POLG2: variants seen among roughly 807,000 people sequenced by gnomAD.
POLG2 encodes the protein DNA polymerase subunit gamma-2.
POLG2 carries 50 observed loss-of-function variants against 56.5 expected under a neutral mutation model. That is an observed-to-expected ratio of 0.88 (90% CI 0.71 to 1.12). The LOEUF (loss-of-function observed/expected upper bound fraction) is 1.12. POLG2 is among the 50% of genes most tolerant of loss of function. The probability of loss-of-function intolerance (pLI) is 0.00; values close to 1 mark genes in which losing one functional copy is unlikely to be tolerated. For synonymous variants in POLG2, 226 were observed against 222.6 expected, an observed-to-expected ratio of 1.02 and a Z score of -0.14; for missense variants, 584 against 583.3, an observed-to-expected ratio of 1.00 and a Z score of -0.01.
chr17:64,481,885 A>G lies in POLG2; in HGVS notation c.1191+1034T>C, dbSNP rs541789047. ...GCAAGACTCCGTCTCAAAATAAATAAATAAATAAATAAAAAGTTCAAAGGG... is the reference window on the plus strand; with the variant it reads ...GCAAGACTCCGTCTCAAAATAAATAGATAAATAAATAAAAAGTTCAAAGGG... On this transcript the variant is annotated intron_variant, in intron 6 of 7. Coordinates refer to ENST00000539111, the MANE Select transcript of POLG2 (RefSeq NM_007215.4). 7.9e-5 allele frequency among the ~76,000 whole-genome samples: 12 copies of G among 151,724 alleles called. No individual in the cohort carries two copies. In the East Asian group the frequency reaches 2.3e-3, roughly 30 times the overall value.
chr17:64,482,795 GA>G (rs1374458861), intron 6 of POLG2, 123 bp downstream of exon 6: 2 of 666,094 alleles, frequency 3.0e-6, no homozygotes, highest in African/African-American at 3.6e-5. Flanking sequence ...TAAGATTTTG[GA>G]TTTTTGGATT....
intron 7 of POLG2, among the ~76,000 whole-genome samples, chr17:64,478,881 C>T (rs577579407): frequency 1.3e-4 from 20 of 152,030 alleles, no homozygotes; most frequent in African/African-American, 4.1e-4. Context: ...GGCGACAGTG[C>T]GAGACTCTGT....
intron 3 of POLG2, chr17:64,491,831 C>T (rs2038064130): frequency 4.8e-6 from 2 of 418,574 alleles, no homozygotes; most frequent in Non-Finnish European, 4.4e-6. Flanking sequence ...TTCTTGGCTG[C>T]AACCCCTCCA....
chr17:64,491,535 G>A (rs2038058005), intron 3 of POLG2: 1 of 1,544,112 alleles, frequency 6.5e-7, no homozygotes, highest in South Asian at 1.1e-5. Context: ...GGAGTCAGTT[G>A]TACCAGTGAA....
At chr17:64,490,768 A>T (rs2038044270) in intron 4 of POLG2, 28 bp downstream of exon 4, 1 of 1,581,422 alleles carries the variant, frequency 6.3e-7, no homozygotes. Context: ...TGGGTAAAAA[A>T]TACATAGGAG....
In POLG2 at chr17:64,490,829, T is replaced by TA; in HGVS notation, c.935dup (p.Leu312PhefsTer10). ...TAGACACATTGCCAGGATACATGTG[T>TA]AAAAGTTCGTGATCTCCTAGGTTCC... On this transcript the variant is annotated frameshift_variant, in exon 4 of 8. Transcript: ENST00000539111. LOFTEE classifies it high-confidence loss of function. 6.2e-7 allele frequency: 1 copy of TA among 1,613,648 alleles called. No individual in the cohort carries two copies.
intron 3 of POLG2, among the ~76,000 whole-genome samples, chr17:64,492,168 G>C (rs2038073015): frequency 6.6e-6 from 1 of 152,192 alleles, no homozygotes; most frequent in Non-Finnish European, 1.5e-5. Flanking sequence ...CGAAGTTCTT[G>C]ATGACTCGTG....
chr17:64,496,694 A>C lies in POLG2; in HGVS notation c.275T>G (p.Leu92Arg). The change falls in exon 1 of 8, where the codon CTG becomes CGG. Residue 92 changes from leucine (L) to arginine (R), a missense_variant. Transcript: ENST00000539111. ...TCCGAAGCCGGGGTGGCACCCACTC[A>C]GAAGAGAATCCCGGCTAAGCTGCTG... ...SKQQLSRDSL[L>R]SGCHPGFGPL... is the part of the protein sequence containing the mutation. 1 of 1,614,042 alleles carries C rather than the reference A, an allele frequency of 6.2e-7. No individual in the cohort carries two copies.
rs2037792999 is a variant in POLG2 at position 64,477,935 on chromosome 17, T to C, written c.1346A>G (p.Glu449Gly). The change falls in exon 8 of 8, where the codon GAG (glutamate) becomes GGG (glycine). Residue 449 changes from glutamate to glycine, a missense_variant. Coordinates refer to ENST00000539111, the MANE Select transcript of POLG2 (RefSeq NM_007215.4). ...GCTTCTCAGATGTATTAATCCATTC[T>C]CCAAAGTAGTTTCAGTAACCAAAAC... is the stretch of plus-strand genomic sequence containing the variant. The part of the protein sequence containing the change: ...FTVLVTETTL[E>G]NGLIHLRSRD... 3.1e-6 allele frequency: 5 copies of C among 1,613,924 alleles called. No individual in the cohort carries two copies. Among genetic ancestry groups the C allele is most frequent in the Non-Finnish European group, 4.2e-6 (5 of 1,179,976 alleles).
At position 64,490,837 on chromosome 17, in the gene POLG2, C is replaced by G. The variant is rs782433092; in HGVS notation, c.928G>C (p.Glu310Gln). Residue 310 changes from glutamate to glutamine, a missense_variant, in exon 4 of 8, where the codon GAA becomes CAA. By Grantham distance (29) the Glu-to-Gln change is conservative (BLOSUM62 2). Coordinates refer to ENST00000539111, the MANE Select transcript of POLG2 (RefSeq NM_007215.4). ...IETLWNLGDH[E>Q]LLHMYPGNVS... The stretch of plus-strand genomic sequence containing the variant: ...TTGCCAGGATACATGTGTAAAAGTT[C>G]GTGATCTCCTAGGTTCCACAGGGTT... 2 of 1,613,450 alleles carry G rather than the reference C, an allele frequency of 1.2e-6. No homozygotes were observed. The highest frequency in any genetic ancestry group is 1.7e-6 in the Non-Finnish European group (2 of 1,179,530).
rs781943934 is a variant in POLG2, at chr17:64,477,810, C to G, written c.*13G>C. The G allele has an allele frequency of 1.4e-5, 22 of 1,552,732 alleles. No homozygotes were observed. The highest frequency in any genetic ancestry group is 1.4e-5 in the African/African-American group (1 of 71,394). On this transcript the variant is annotated 3_prime_UTR_variant, in exon 8 of 8. Transcript: ENST00000539111. ...TTAGGAGAGAAGAATATTTATTATA[C>G]AAATATAAAAATCTATACATTCTTA... is the stretch of plus-strand genomic sequence containing the variant.
At chr17:64,485,646 A>T in intron 5 of POLG2, 82 bp downstream of exon 5, 1 of 1,120,992 alleles carries the variant, frequency 8.9e-7, no homozygotes, top group Non-Finnish European at 1.4e-6. Context: ...AGTTTATGTT[A>T]GAAACCGAGC....
At position 64,492,659 on chromosome 17, in the gene POLG2, T is replaced by A; in HGVS notation, c.795+8A>T. The A allele has an allele frequency of 1.3e-6, 2 of 1,519,588 alleles. No homozygotes were observed. The highest frequency in any genetic ancestry group is 1.1e-5 in the South Asian group (1 of 89,020). 94.1% of individuals were successfully genotyped at this position (1,519,588 alleles called of 1,614,324 possible). On this transcript the variant is annotated splice_region_variant and intron_variant, in intron 3 of 7. Transcript: ENST00000539111. ...TAACTATTAAATTAAAGGTAATTAT[T>A]GCAGTACCTTTCTCCACCACTGGAG...
chr17:64,483,682 A>G (rs2037902633), intron 5 of POLG2, among the ~76,000 whole-genome samples: 1 of 147,984 alleles, frequency 6.8e-6, no homozygotes, highest in African/African-American at 2.5e-5. Flanking sequence ...CTTTTTATAT[A>G]TATTTTTTTG....
chr17:64,483,773 C>T (rs1199958668), intron 5 of POLG2, among the ~76,000 whole-genome samples: 1 of 151,088 alleles, frequency 6.6e-6, no homozygotes, highest in Non-Finnish European at 1.5e-5. Context: ...TAGAATGCTC[C>T]ACTCACTGCC....
rs375544269 is a variant in POLG2, at chr17:64,485,849, T to A, written c.989A>T (p.Asn330Ile). 1.2e-6 allele frequency: 2 copies of A among 1,613,914 alleles called. No homozygotes were observed. Among genetic ancestry groups the A allele is most frequent in the Non-Finnish European group, 8.5e-7 (1 of 1,179,770 alleles). ...SKLHGRDGRK[N>I]VVPCVLSVNG... is the part of the protein sequence containing the mutation. ...TACAGAGAGAACACAAGGAACCACATTTTTTCGTCCATCTCGGCCCTTCAC... is the reference window on the plus strand; with the variant it reads ...TACAGAGAGAACACAAGGAACCACAATTTTTCGTCCATCTCGGCCCTTCAC... Residue 330 changes from asparagine (N) to isoleucine (I), a missense_variant, in exon 5 of 8, where the codon AAT becomes ATT. Coordinates refer to ENST00000539111, the MANE Select transcript of POLG2 (RefSeq NM_007215.4).
Position 64,496,944 on chromosome 17 carries a change from C to T in POLG2, c.25G>A (p.Ala9Thr). Residue 9 changes from alanine to threonine, a missense_variant, in exon 1 of 8, where the codon GCC (alanine) becomes ACC (threonine). Ala to Thr is a moderately conservative substitution (Grantham distance 58, BLOSUM62 0). Transcript: ENST00000539111. MRSRVAVRACHKVCRCLLS... is the reference protein window; with the variant it reads MRSRVAVRTCHKVCRCLLS... ...AGGCACCTGCAGACCTTATGGCAGGCCCTGACGGCTACACGAGAGCGCATC... is the reference window on the plus strand; with the variant it reads ...AGGCACCTGCAGACCTTATGGCAGGTCCTGACGGCTACACGAGAGCGCATC... 1 of 1,608,816 alleles carries T rather than the reference C, an allele frequency of 6.2e-7. No individual in the cohort carries two copies. The highest frequency in any genetic ancestry group is 1.1e-5 in the South Asian group (1 of 91,076).
chr17:64,490,917 C>G lies in POLG2; in HGVS notation c.848G>C (p.Gly283Ala), dbSNP rs782786001. 6.2e-7 allele frequency: 1 copy of G among 1,613,930 alleles called. No homozygotes were observed. The highest frequency in any genetic ancestry group is 8.5e-7 in the Non-Finnish European group (1 of 1,179,828). The change falls in exon 4 of 8, where the codon GGC (glycine) becomes GCC (alanine). Residue 283 changes from glycine to alanine, a missense_variant. Coordinates refer to ENST00000539111, the MANE Select transcript of POLG2 (RefSeq NM_007215.4). Reference protein sequence around the residue: ...FSSSDCQDEEGRKGNKLYYNF... With the variant: ...FSSSDCQDEEARKGNKLYYNF... ...GTAGTAAAGTTTGTTTCCTTTCCGG[C>G]CTTCTTCATCCTGACAGTCACTGCT...
chr17:64,486,132 C>T (rs868917882), intron 4 of POLG2, among the ~76,000 whole-genome samples: 4 of 152,180 alleles, frequency 2.6e-5, no homozygotes, highest in Non-Finnish European at 5.9e-5. Context: ...GTGGTAGGCA[C>T]TGGGCCCACG....
Sources: allele counts gnomAD v4.1 joint callset (sites outside exome capture counted in the v4.1 genomes callset), GRCh38; gene constraint gnomAD v4.1.1; transcripts MANE v1.5; gene names NCBI Gene and HGNC (gene_info 2026-07-23, HGNC 2026-07-21).